FAM168A: variants seen among roughly 807,000 people sequenced by gnomAD.
The protein encoded by FAM168A is protein FAM168A.
A neutral mutation model predicts 28.5 loss-of-function variants in FAM168A; 3 were observed. That is an observed-to-expected ratio of 0.11 (90% CI 0.05 to 0.27). The LOEUF (loss-of-function observed/expected upper bound fraction) is 0.27, where lower values mean the gene tolerates loss of function less well. Ranked by LOEUF, FAM168A falls within the 10% of genes least tolerant of loss-of-function variation. The pLI is 1.00. For synonymous variants in FAM168A, 122 were observed against 124.2 expected (o/e 0.98, Z 0.12); for missense variants, 222 against 311.5 (o/e 0.71, Z 2.16).
chr11:73,558,470 A>T lies in FAM168A; in HGVS notation c.-19+39453T>A, dbSNP rs1257610463. On this transcript the variant is annotated intron_variant, in intron 1 of 7. Transcript: ENST00000356467. ...GGCAACAGAGCAAGACCCTGTCTCTAAAAAAAAAAAAAAAAAAAAAAAGTG... is the reference window on the plus strand; with the variant it reads ...GGCAACAGAGCAAGACCCTGTCTCTTAAAAAAAAAAAAAAAAAAAAAAGTG... Among the ~76,000 whole-genome samples, 15 of 74,596 alleles carry T rather than the reference A, an allele frequency of 2.0e-4. No homozygotes were observed. In the South Asian group the frequency reaches 3.9e-3, roughly 20 times the overall value. The allele number at this position is 74,596 out of a possible 152,430, so 48.9% of individuals were successfully genotyped here.
chr11:73,459,337 T>C (rs1164452563), intron 2 of FAM168A, among the ~76,000 whole-genome samples: 1 of 151,906 alleles, frequency 6.6e-6, no homozygotes, highest in African/African-American at 2.4e-5. Flanking sequence ...TACAAAAAAA[T>C]TAGCCGGGCG....
chr11:73,506,970 C>T (rs1855127815), intron 1 of FAM168A, among the ~76,000 whole-genome samples: 1 of 152,140 alleles, frequency 6.6e-6, no homozygotes, highest in Non-Finnish European at 1.5e-5. Flanking sequence ...CTCTAAGATT[C>T]TGTAGGTTTT....
chr11:73,451,008 T>C (rs1590786180), intron 2 of FAM168A, among the ~76,000 whole-genome samples: 1 of 152,128 alleles, frequency 6.6e-6, no homozygotes, highest in African/African-American at 2.4e-5. Context: ...CAGGAATGAA[T>C]AGGTGCAAGG....
rs1480315541 is a variant in FAM168A, at chr11:73,406,675, G to C, written c.*88C>G. ...TTGTCTCTTCTTGCAAATAGAGGTG[G>C]TGCTGCTAGGGAACTGCTCCAGCAC... On this transcript the variant is annotated 3_prime_UTR_variant, in exon 8 of 8. Transcript: ENST00000356467. 1 of 152,644 alleles carries C rather than the reference G, an allele frequency of 6.6e-6. No homozygotes were observed. Among genetic ancestry groups the C allele is most frequent in the Non-Finnish European group, 1.5e-5 (1 of 68,038 alleles). The allele number at this position is 152,644 out of a possible 1,614,324, so 9.5% of individuals were successfully genotyped here.
intron 1 of FAM168A, among the ~76,000 whole-genome samples, chr11:73,503,224 G>A (rs1855045306): frequency 6.6e-6 from 1 of 152,150 alleles, no homozygotes; most frequent in Non-Finnish European, 1.5e-5. Flanking sequence ...TCTGTTTGAA[G>A]ACAACATGAT....
chr11:73,597,511 T>TCAGATCCCAAGCTGTC (rs1367065722), intron 1 of FAM168A, among the ~76,000 whole-genome samples: 3 of 150,368 alleles, frequency 2.0e-5, no homozygotes, highest in Non-Finnish European at 3.0e-5. Context: ...TCACCCCAGC[T>TCAGATCCCAAGCTGTC]CAGATCCCAA....
At chr11:73,558,535 C>T (rs895289122) in intron 1 of FAM168A, among the ~76,000 whole-genome samples, 1 of 135,722 alleles carries the variant, frequency 7.4e-6, no homozygotes, top group African/African-American at 2.7e-5. Context: ...ATTTGGAAAT[C>T]ATATATTTGA....
chr11:73,501,945 C>CA (rs1855016875), intron 1 of FAM168A, among the ~76,000 whole-genome samples: 1 of 151,846 alleles, frequency 6.6e-6, no homozygotes, highest in South Asian at 2.1e-4. Context: ...ATTAAAAGTA[C>CA]AAAAAATTAG....
At chr11:73,519,301 G>T (rs979642054) in intron 1 of FAM168A, among the ~76,000 whole-genome samples, 3 of 152,026 alleles carry the variant, frequency 2.0e-5, no homozygotes, top group African/African-American at 4.8e-5. Flanking sequence ...AAATGTAAGG[G>T]TCTCCTTCAT....
intron 1 of FAM168A, among the ~76,000 whole-genome samples, chr11:73,530,702 C>T (rs1943505687): frequency 6.6e-6 from 1 of 152,106 alleles, no homozygotes; most frequent in Admixed American, 6.6e-5. Context: ...TAGTTAAAAA[C>T]CTTTTACCTA....
intron 1 of FAM168A, among the ~76,000 whole-genome samples, chr11:73,519,679 A>G (rs1424505294): frequency 1.3e-5 from 2 of 152,134 alleles, no homozygotes; most frequent in Non-Finnish European, 2.9e-5. Context: ...TCACTGAAGG[A>G]GAAAAAAGCT....
At chr11:73,421,081 G>A (rs565255333) in intron 3 of FAM168A, among the ~76,000 whole-genome samples, 1 of 146,150 alleles carries the variant, frequency 6.8e-6, no homozygotes, top group South Asian at 2.3e-4. Flanking sequence ...TGGGGGGGGG[G>A]TCATGGATAT....
At chr11:73,597,712 GCCCGCCCCCCAACCTGCTTGGGT>G (rs1484387374) in intron 1 of FAM168A, among the ~76,000 whole-genome samples, 188 bp downstream of exon 1, 1 of 138,666 alleles carries the variant, frequency 7.2e-6, no homozygotes, top group Non-Finnish European at 1.6e-5. Flanking sequence ...CTCCCTTGTC[GCCCGCCCCCCAACCTGCTTGGGT>G]CCCACCCTCA....
chr11:73,583,407 T>G (rs141967177), intron 1 of FAM168A, among the ~76,000 whole-genome samples: 4 of 152,304 alleles, frequency 2.6e-5, no homozygotes, highest in African/African-American at 7.2e-5. Context: ...AAATGATGGA[T>G]TCACCTGACA....
chr11:73,507,151 T>G (rs553319341), intron 1 of FAM168A, among the ~76,000 whole-genome samples: 11 of 152,240 alleles, frequency 7.2e-5, no homozygotes, highest in Non-Finnish European at 1.6e-4. Flanking sequence ...TAGAGACTTT[T>G]GTTTTTTCCC....
intron 1 of FAM168A, among the ~76,000 whole-genome samples, chr11:73,498,384 T>C (rs1015837211): frequency 9.2e-5 from 14 of 152,110 alleles, no homozygotes; most frequent in African/African-American, 3.1e-4. Flanking sequence ...GAGAGTGTGC[T>C]TTTTCCACTC....
chr11:73,421,487 G>A (rs1866792212), intron 3 of FAM168A, among the ~76,000 whole-genome samples: 1 of 152,208 alleles, frequency 6.6e-6, no homozygotes, highest in Admixed American at 6.5e-5. Context: ...ATTCTGATAA[G>A]AGAAATGGAG....
At chr11:73,460,341 A>C (rs1867622832) in intron 2 of FAM168A, among the ~76,000 whole-genome samples, 1 of 152,010 alleles carries the variant, frequency 6.6e-6, no homozygotes, top group African/African-American at 2.4e-5. Flanking sequence ...TCTCTGCTGT[A>C]ACCTCCTTCA....
At chr11:73,558,220 C>T (rs2134701055) in intron 1 of FAM168A, among the ~76,000 whole-genome samples, 1 of 152,172 alleles carries the variant, frequency 6.6e-6, no homozygotes, top group South Asian at 2.1e-4. Context: ...ACAGCTTACA[C>T]CTGCAATCCC....
Sources: gnomAD v4.1 joint callset for allele counts (sites outside exome capture counted in the v4.1 genomes callset) on GRCh38, gnomAD v4.1.1 for gene constraint, MANE v1.5 for transcripts, NCBI Gene and HGNC (gene_info 2026-07-23, HGNC 2026-07-21) for gene names.